The following DECR1 variants were observed in gnomAD, a reference collection of about 807,000 sequenced individuals.
The protein encoded by DECR1 is 2,4-dienoyl-CoA reductase 1.
Under a neutral mutation model 38.8 loss-of-function variants are expected in DECR1, and 44 were observed. The observed-to-expected ratio is 1.13, with a 90% confidence interval of 0.89 to 1.46. The LOEUF (loss-of-function observed/expected upper bound fraction) is 1.46, where lower values mean the gene tolerates loss of function less well. Among genes scored for constraint, DECR1 ranks in the 40% most tolerant of loss-of-function variants. The pLI, the probability that DECR1 is intolerant of heterozygous loss-of-function variation, is 0.00. For missense variants in DECR1, 428 were observed against 405.5 expected (o/e 1.06, Z -0.48); for synonymous variants, 148 against 135.2 (o/e 1.09, Z -0.66).
At chr8:90,010,415 A>G (rs1812852231) in intron 1 of DECR1, among the ~76,000 whole-genome samples, 1 of 152,224 alleles carries the variant, frequency 6.6e-6, no homozygotes, top group African/African-American at 2.4e-5. Flanking sequence ...TAAGGACCAC[A>G]TACACTGTGC....
chr8:90,051,059 G>T (rs990826162), intron 8 of DECR1, among the ~76,000 whole-genome samples: 4 of 151,804 alleles, frequency 2.6e-5, no homozygotes, highest in African/African-American at 9.7e-5. Flanking sequence ...AGTATTAGCA[G>T]ATATACCTAA....
intron 5 of DECR1, among the ~76,000 whole-genome samples, chr8:90,027,501 G>T (rs1813378828): frequency 6.6e-6 from 1 of 151,952 alleles, no homozygotes; most frequent in Non-Finnish European, 1.5e-5. Context: ...TCTGATCTTT[G>T]TTGGTTTAAA....
chr8:90,027,773 T>A (rs187050543), intron 5 of DECR1, among the ~76,000 whole-genome samples: 2,409 of 151,734 alleles, frequency 0.016, 57 homozygotes, highest in African/African-American at 0.054. Context: ...AGTTTTTTTT[T>A]TAAAAAAAAA....
chr8:90,045,026 T>C (rs760492974), intron 8 of DECR1, 31 bp downstream of exon 8: 1 of 1,613,190 alleles, frequency 6.2e-7, no homozygotes, highest in Admixed American at 1.7e-5. Flanking sequence ...TTCACTTTTT[T>C]TTCAGGAGTG....
chr8:90,021,181 GA>G, intron 5 of DECR1, 125 bp downstream of exon 5: 1 of 608,100 alleles, frequency 1.6e-6, no homozygotes, highest in Non-Finnish European at 2.5e-6. Flanking sequence ...GTGTAATGGA[GA>G]AAAATGATAT....
chr8:90,046,625 C>A (rs1813911825), intron 8 of DECR1, among the ~76,000 whole-genome samples: 1 of 152,138 alleles, frequency 6.6e-6, no homozygotes, highest in Admixed American at 6.5e-5. Context: ...AGGATATTAT[C>A]CAGGAGAATT....
intron 8 of DECR1, among the ~76,000 whole-genome samples, chr8:90,049,160 G>T (rs1287885888): frequency 1.3e-5 from 2 of 152,176 alleles, no homozygotes. Flanking sequence ...TCAACATAGT[G>T]TTGGAAGTTC....
chr8:90,026,253 G>C (rs1455849591), intron 5 of DECR1, among the ~76,000 whole-genome samples: 6 of 152,144 alleles, frequency 3.9e-5, no homozygotes, highest in Non-Finnish European at 8.8e-5. Flanking sequence ...GAGTCAGGGA[G>C]GATTCCCTCT....
intron 1 of DECR1, chr8:90,003,131 C>T (rs1812658071): frequency 1.3e-5 from 2 of 152,110 alleles, no homozygotes; most frequent in Middle Eastern, 3.2e-3. Flanking sequence ...TGGTTTGTCC[C>T]CTTCCTAGCA....
At chr8:90,050,702 G>A (rs983756792) in intron 8 of DECR1, among the ~76,000 whole-genome samples, 15 of 152,052 alleles carry the variant, frequency 9.9e-5, no homozygotes, top group Admixed American at 7.9e-4. Context: ...ATAAATCATG[G>A]TGCTATAAAG....
intron 1 of DECR1, among the ~76,000 whole-genome samples, chr8:90,012,498 A>G (rs1812910895): frequency 6.6e-6 from 1 of 152,076 alleles, no homozygotes; most frequent in Admixed American, 6.6e-5. Flanking sequence ...AATGTTTAAG[A>G]TGTCATAATT....
At position 90,020,909 on chromosome 8, in the gene DECR1, AT is replaced by A; in HGVS notation, c.420del (p.Ile140MetfsTer2). Reference protein sequence around the residue: ...ELIKVAGHPNIVINNAAGNFI... With the variant: ...ELIKVAGHPNXVINNAAGNFI... ...GTAACTTGCCTTGTTCATTTATTAG[AT>A]TGTGATAAACAATGCAGCAGGGAAT... On this transcript the variant is annotated frameshift_variant and splice_region_variant, in exon 5 of 10. Transcript: ENST00000220764. LOFTEE classifies it high-confidence loss of function. The A allele has an allele frequency of 6.5e-7, 1 of 1,541,200 alleles. No individual in the cohort carries two copies. Among genetic ancestry groups the A allele is most frequent in the Admixed American group, 2.3e-5 (1 of 42,944 alleles).
At chr8:90,038,255 G>A (rs1167823858) in intron 6 of DECR1, among the ~76,000 whole-genome samples, 1 of 152,002 alleles carries the variant, frequency 6.6e-6, no homozygotes, top group Non-Finnish European at 1.5e-5. Flanking sequence ...GTCTATGGCT[G>A]AGTTATATTG....
At chr8:90,005,434 TC>T (rs1812715077) in intron 1 of DECR1, 1 of 456,142 alleles carries the variant, frequency 2.2e-6, no homozygotes, top group Admixed American at 2.3e-5. Context: ...ATAAATAGCA[TC>T]CGTTTTTTCC....
At chr8:90,025,351 T>G (rs1460994946) in intron 5 of DECR1, among the ~76,000 whole-genome samples, 2 of 152,246 alleles carry the variant, frequency 1.3e-5, no homozygotes, top group Admixed American at 1.3e-4. Flanking sequence ...TTCCTATCCA[T>G]GAGCATGGAA....
intron 8 of DECR1, among the ~76,000 whole-genome samples, chr8:90,050,820 T>C (rs1194340615): frequency 6.6e-6 from 1 of 152,188 alleles, no homozygotes; most frequent in Non-Finnish European, 1.5e-5. Context: ...GTGGCACATA[T>C]ACATCATGGA....
chr8:90,010,766 TCTTTATAAATATAGCTCACA>T (rs1490753684), intron 1 of DECR1, among the ~76,000 whole-genome samples: 1 of 152,238 alleles, frequency 6.6e-6, no homozygotes, highest in Non-Finnish European at 1.5e-5. Flanking sequence ...TATTTCATTA[TCTTTATAAATATAGCTCACA>T]CTTTAGTGTT....
intron 6 of DECR1, among the ~76,000 whole-genome samples, chr8:90,040,755 A>C (rs1025303935): frequency 6.6e-6 from 1 of 152,196 alleles, no homozygotes; most frequent in Non-Finnish European, 1.5e-5. Context: ...TAGTTTGCTG[A>C]GAATGACAGT....
At chr8:90,047,902 A>G (rs1456878899) in intron 8 of DECR1, among the ~76,000 whole-genome samples, 2 of 152,222 alleles carry the variant, frequency 1.3e-5, no homozygotes, top group Admixed American at 6.5e-5. Flanking sequence ...GCTCAACTAC[A>G]TGGAAACTGA....
Sources: allele counts gnomAD v4.1 joint callset (sites outside exome capture counted in the v4.1 genomes callset), GRCh38; gene constraint gnomAD v4.1.1; transcripts MANE v1.5; gene names NCBI Gene and HGNC (gene_info 2026-07-23, HGNC 2026-07-21).